SLC9A4: variants seen among roughly 807,000 people sequenced by gnomAD.
The protein encoded by SLC9A4 is solute carrier family 9 member A4, also known as sodium/hydrogen exchanger 4.
SLC9A4 carries 63 observed loss-of-function variants against 67.4 expected under a neutral mutation model. The ratio of observed to expected loss-of-function variants is 0.93; its 90% CI spans 0.76 to 1.15. The LOEUF (loss-of-function observed/expected upper bound fraction) is 1.15. Ranked by LOEUF, SLC9A4 falls within the 50% of genes most tolerant of loss-of-function variation. The pLI, the probability that SLC9A4 is intolerant of heterozygous loss-of-function variation, is 0.00. For synonymous variants in SLC9A4, 393 were observed against 367.2 expected (o/e 1.07, Z -0.80); for missense variants, 1,089 against 987.7 (o/e 1.10, Z -1.38).
At chr2:102,513,270 G>A (rs935310115) in intron 7 of SLC9A4, among the ~76,000 whole-genome samples, 1 of 152,196 alleles carries the variant, frequency 6.6e-6, no homozygotes, top group African/African-American at 2.4e-5. Flanking sequence ...CCTAACCCTG[G>A]AGGGGCTTAG....
At chr2:102,484,646 G>A (rs904913395) in intron 2 of SLC9A4, among the ~76,000 whole-genome samples, 1 of 152,204 alleles carries the variant, frequency 6.6e-6, no homozygotes, top group Non-Finnish European at 1.5e-5. Flanking sequence ...TCACAGATGG[G>A]AGGGCGGATT....
Position 102,494,520 on chromosome 2 carries a change from C to T in SLC9A4, c.721-8928C>T, listed in dbSNP as rs139556607. ...TTACATTAACTGTTAATGGACTAAACGCTCCAATTAAAAGTCAGAGATTAA... is the reference window on the plus strand; with the variant it reads ...TTACATTAACTGTTAATGGACTAAATGCTCCAATTAAAAGTCAGAGATTAA... On this transcript the variant is annotated intron_variant, in intron 2 of 11. Transcript: ENST00000295269. Among the ~76,000 whole-genome samples, 480 of 152,128 alleles carry T rather than the reference C, an allele frequency of 3.2e-3. 7 individuals carry two copies. The highest frequency in any genetic ancestry group is 9.9e-3 in the African/African-American group (411 of 41,532).
chr2:102,493,296 A>G lies in SLC9A4; in HGVS notation c.721-10152A>G, dbSNP rs915566603. On this transcript the variant is annotated intron_variant, in intron 2 of 11. Coordinates refer to ENST00000295269, the MANE Select transcript of SLC9A4 (RefSeq NM_001011552.4). Reference sequence around the variant, plus strand: ...GTAGTACCCCACTCTACCTGTACCAATTTACTGCATTAGTCCATTTTCATG... The same window carrying G: ...GTAGTACCCCACTCTACCTGTACCAGTTTACTGCATTAGTCCATTTTCATG... 2.6e-4 allele frequency among the ~76,000 whole-genome samples: 39 copies of G among 151,832 alleles called. 1 individual carries two copies. Among genetic ancestry groups the G allele is most frequent in the African/African-American group, 9.5e-4 (39 of 41,138 alleles).
At chr2:102,491,429 T>C (rs1558662399) in intron 2 of SLC9A4, among the ~76,000 whole-genome samples, 1 of 147,294 alleles carries the variant, frequency 6.8e-6, no homozygotes, top group Non-Finnish European at 1.5e-5. Flanking sequence ...CACCACATAG[T>C]TGGGGAGGCT....
At chr2:102,504,891 T>C (rs569071257) in intron 3 of SLC9A4, among the ~76,000 whole-genome samples, 1 of 152,320 alleles carries the variant, frequency 6.6e-6, no homozygotes, top group East Asian at 1.9e-4. Context: ...AGAATTATTC[T>C]GTTATTTTGG....
chr2:102,487,084 A>G (rs564444396), intron 2 of SLC9A4, among the ~76,000 whole-genome samples: 6 of 152,282 alleles, frequency 3.9e-5, no homozygotes, highest in African/African-American at 1.4e-4. Flanking sequence ...CAGCCCAGAC[A>G]TGGGTCCCAA....
At chr2:102,475,676 G>A (rs937387385) in intron 1 of SLC9A4, among the ~76,000 whole-genome samples, 1 of 152,060 alleles carries the variant, frequency 6.6e-6, no homozygotes, top group Non-Finnish European at 1.5e-5. Flanking sequence ...ACGCTTATTC[G>A]AGTACAATTT....
intron 8 of SLC9A4, among the ~76,000 whole-genome samples, chr2:102,515,719 G>C (rs116401911): frequency 0.013 from 1,969 of 151,888 alleles, 35 homozygotes; most frequent in African/African-American, 0.045. Context: ...ATTTAAATCT[G>C]ACTTACCTTA....
chr2:102,510,943 T>C (rs999169483), intron 6 of SLC9A4, among the ~76,000 whole-genome samples: 9 of 152,204 alleles, frequency 5.9e-5, no homozygotes, highest in African/African-American at 1.9e-4. Flanking sequence ...TGAAGGGTTA[T>C]AGGTGGAGAC....
intron 2 of SLC9A4, among the ~76,000 whole-genome samples, chr2:102,484,211 C>A (rs1441320693): frequency 6.6e-6 from 1 of 152,164 alleles, no homozygotes; most frequent in African/African-American, 2.4e-5. Context: ...ACTGCCTGAA[C>A]AATGACAGAG....
intron 2 of SLC9A4, among the ~76,000 whole-genome samples, chr2:102,502,161 T>A (rs1684955447): frequency 6.6e-6 from 1 of 152,208 alleles, no homozygotes; most frequent in Non-Finnish European, 1.5e-5. Context: ...GTCTTCATTT[T>A]CTGCAGAGAT....
intron 2 of SLC9A4, among the ~76,000 whole-genome samples, chr2:102,487,789 G>A (rs1684618205): frequency 6.6e-6 from 1 of 152,174 alleles, no homozygotes; most frequent in Admixed American, 6.5e-5. Context: ...AGCAGCTATG[G>A]AAATGGATTT....
At chr2:102,489,402 A>G (rs1272093603) in intron 2 of SLC9A4, among the ~76,000 whole-genome samples, 1 of 152,226 alleles carries the variant, frequency 6.6e-6, no homozygotes, top group Non-Finnish European at 1.5e-5. Context: ...ATGAAAATCT[A>G]GAGCCTGGGC....
At position 102,532,427 on chromosome 2, in the gene SLC9A4, A is replaced by G. The variant is rs1674796601; in HGVS notation, c.2136A>G (p.Pro712=). 1 of 1,614,228 alleles carries G rather than the reference A, an allele frequency of 6.2e-7. No individual in the cohort carries two copies. Among genetic ancestry groups the G allele is most frequent in the Non-Finnish European group, 8.5e-7 (1 of 1,180,040 alleles). ...LQKQEAQEII[P]MKSLHRGRKA... is the part of the protein sequence containing the mutation. ...AGCAAGAGGCACAAGAAATAATACCAATGAAGAGCCTACACAGAGGAAGGA... is the reference window on the plus strand; with the variant it reads ...AGCAAGAGGCACAAGAAATAATACCGATGAAGAGCCTACACAGAGGAAGGA... Residue 712 remains proline (P), a synonymous_variant, in exon 12 of 12, where the codon CCA becomes CCG. Coordinates refer to ENST00000295269, the MANE Select transcript of SLC9A4 (RefSeq NM_001011552.4).
chr2:102,496,272 ATGC>A (rs1217638132), intron 2 of SLC9A4, among the ~76,000 whole-genome samples: 1 of 152,262 alleles, frequency 6.6e-6, no homozygotes, highest in Admixed American at 6.5e-5. Flanking sequence ...ACATGAAAAT[ATGC>A]GCAACATAGT....
At chr2:102,501,239 A>G (rs1394339536) in intron 2 of SLC9A4, among the ~76,000 whole-genome samples, 1 of 152,078 alleles carries the variant, frequency 6.6e-6, no homozygotes, top group East Asian at 1.9e-4. Context: ...CTCCTGCCTC[A>G]GTCTCCTAAG....
Position 102,532,451 on chromosome 2 carries a change from G to T in SLC9A4, c.2160G>T (p.Arg720Ser). 1.2e-6 allele frequency: 2 copies of T among 1,614,214 alleles called. No homozygotes were observed. Among genetic ancestry groups the T allele is most frequent in the South Asian group, 2.2e-5 (2 of 91,080 alleles). Reference sequence around the variant, plus strand: ...CAATGAAGAGCCTACACAGAGGAAGGAAGGCATTCAGCTTTGGTTATCAAA... The same window carrying T: ...CAATGAAGAGCCTACACAGAGGAAGTAAGGCATTCAGCTTTGGTTATCAAA... ...IIPMKSLHRG[R>S]KAFSFGYQRN... is the part of the protein sequence containing the mutation. The change falls in exon 12 of 12, where the codon AGG (arginine) becomes AGT (serine). Residue 720 changes from arginine (R) to serine (S), a missense_variant. Transcript: ENST00000295269.
chr2:102,498,947 G>T (rs552853842), intron 2 of SLC9A4, among the ~76,000 whole-genome samples: 51 of 152,336 alleles, frequency 3.3e-4, no homozygotes, highest in African/African-American at 1.2e-3. Flanking sequence ...AGAAACTCCT[G>T]TGAGGGAAAA....
At chr2:102,487,256 A>G (rs921293488) in intron 2 of SLC9A4, among the ~76,000 whole-genome samples, 13 of 152,114 alleles carry the variant, frequency 8.5e-5, no homozygotes, top group African/African-American at 3.1e-4. Context: ...AGAGAGAGAG[A>G]TGCAGCAACC....
Sources: gnomAD v4.1 joint callset for allele counts (sites outside exome capture counted in the v4.1 genomes callset) on GRCh38, gnomAD v4.1.1 for gene constraint, MANE v1.5 for transcripts, NCBI Gene and HGNC (gene_info 2026-07-23, HGNC 2026-07-21) for gene names.